DCDC1: variants seen among roughly 807,000 people sequenced by gnomAD.
The protein encoded by DCDC1 is doublecortin domain-containing protein 1.
Under a neutral mutation model 178.3 loss-of-function variants are expected in DCDC1, and 200 were observed. The ratio of observed to expected loss-of-function variants is 1.12; its 90% CI spans 1.00 to 1.26. The LOEUF is 1.26. DCDC1 is among the 50% of genes most tolerant of loss of function. The pLI, the probability that DCDC1 is intolerant of heterozygous loss-of-function variation, is 0.00. For missense variants in DCDC1, 1,983 were observed against 1,749.2 expected (o/e 1.13, Z -2.38); for synonymous variants, 690 against 604.8 (o/e 1.14, Z -2.07).
chr11:31,204,404 T>C (rs1971641587), intron 9 of DCDC1, among the ~76,000 whole-genome samples: 2 of 151,848 alleles, frequency 1.3e-5, no homozygotes, highest in East Asian at 1.9e-4. Flanking sequence ...CAAAATATTA[T>C]TTAAGGACAA....
At chr11:30,872,747 G>A (rs930262563) in intron 38 of DCDC1, among the ~76,000 whole-genome samples, 86 of 151,974 alleles carry the variant, frequency 5.7e-4, no homozygotes, top group African/African-American at 1.9e-3. Context: ...TAAACATGCC[G>A]TTCATTAAGT....
chr11:31,324,343 T>C (rs1949536027), intron 3 of DCDC1, among the ~76,000 whole-genome samples: 1 of 151,832 alleles, frequency 6.6e-6, no homozygotes, highest in East Asian at 1.9e-4. Context: ...TGTGTAAAAG[T>C]ATACAGGAAT....
At chr11:31,054,973 A>G (rs1565226794) in intron 20 of DCDC1, among the ~76,000 whole-genome samples, 1 of 152,194 alleles carries the variant, frequency 6.6e-6, no homozygotes, top group Non-Finnish European at 1.5e-5. Context: ...CAATAAAAAC[A>G]AAGATAAATA....
At chr11:31,072,245 T>C (rs1590948359) in intron 18 of DCDC1, among the ~76,000 whole-genome samples, 1 of 152,140 alleles carries the variant, frequency 6.6e-6, no homozygotes, top group Admixed American at 6.6e-5. Context: ...TTTTCTCCTG[T>C]CATGTATTTC....
At chr11:31,237,266 T>C (rs1591504969) in intron 9 of DCDC1, among the ~76,000 whole-genome samples, 1 of 152,030 alleles carries the variant, frequency 6.6e-6, no homozygotes, top group South Asian at 2.1e-4. Context: ...GTTAACAAAA[T>C]ACATTTCAAT....
chr11:31,335,322 C>A (rs1328591971), intron 2 of DCDC1, 125 bp downstream of exon 2: 1 of 152,270 alleles, frequency 6.6e-6, no homozygotes, highest in African/African-American at 2.4e-5. Context: ...CTTCCCTTGG[C>A]TAGGAAGGGG....
At chr11:31,281,012 C>G (rs1004887202) in intron 7 of DCDC1, 1 of 559,056 alleles carries the variant, frequency 1.8e-6, no homozygotes, top group African/African-American at 1.9e-5. Context: ...TTCGTCACAA[C>G]GAAGGTTCCC....
chr11:31,031,656 T>C (rs769952615), intron 20 of DCDC1, among the ~76,000 whole-genome samples: 2 of 152,090 alleles, frequency 1.3e-5, no homozygotes, highest in Non-Finnish European at 2.9e-5. Context: ...CATAGTTAAA[T>C]CTATATATCA....
At chr11:31,216,078 C>A (rs569270970) in intron 9 of DCDC1, among the ~76,000 whole-genome samples, 14 of 152,108 alleles carry the variant, frequency 9.2e-5, no homozygotes, top group South Asian at 4.2e-4. Context: ...TGAGATGGTC[C>A]CCACTGAGGT....
chr11:31,337,578 T>C (rs897551999), intron 1 of DCDC1, among the ~76,000 whole-genome samples: 6 of 152,090 alleles, frequency 3.9e-5, no homozygotes, highest in Admixed American at 1.3e-4. Context: ...GGCAGGAAGA[T>C]TGCTTGAGCC....
At chr11:30,937,250 G>C (rs1212197804) in intron 21 of DCDC1, among the ~76,000 whole-genome samples, 1 of 152,040 alleles carries the variant, frequency 6.6e-6, no homozygotes, top group Admixed American at 6.6e-5. Context: ...TTTTCCCTTA[G>C]AGAGTTCTGT....
At chr11:30,890,463 G>C (rs1055650548) in intron 36 of DCDC1, among the ~76,000 whole-genome samples, 1 of 152,152 alleles carries the variant, frequency 6.6e-6, no homozygotes, top group Non-Finnish European at 1.5e-5. Flanking sequence ...TTCCTCTGTA[G>C]AGCCTTGTCT....
At chr11:30,898,667 T>G (rs571086827) in intron 34 of DCDC1, among the ~76,000 whole-genome samples, 11 of 152,306 alleles carry the variant, frequency 7.2e-5, no homozygotes, top group African/African-American at 2.6e-4. Flanking sequence ...GTAGGAGTGG[T>G]AGAAGTTAGT....
At chr11:31,262,384 T>C (rs570374391) in intron 8 of DCDC1, among the ~76,000 whole-genome samples, 42 of 152,314 alleles carry the variant, frequency 2.8e-4, no homozygotes, top group South Asian at 6.2e-4. Flanking sequence ...TTTAATATTA[T>C]ATCAAATGTG....
At chr11:30,986,242 T>C (rs1950634071) in intron 20 of DCDC1, among the ~76,000 whole-genome samples, 1 of 151,612 alleles carries the variant, frequency 6.6e-6, no homozygotes. Flanking sequence ...AAAAAGGCAA[T>C]AGTAAAAGAT....
chr11:31,366,541 G>A (rs1366692155), intron 1 of DCDC1, among the ~76,000 whole-genome samples: 1 of 152,212 alleles, frequency 6.6e-6, no homozygotes, highest in East Asian at 1.9e-4. Flanking sequence ...CTTGATGGAA[G>A]AGATAGGCCT....
intron 20 of DCDC1, among the ~76,000 whole-genome samples, chr11:30,956,647 T>C (rs1350572908): frequency 6.6e-6 from 1 of 152,150 alleles, no homozygotes; most frequent in Non-Finnish European, 1.5e-5. Context: ...TTTTCTTTTA[T>C]TTCCATAATT....
intron 7 of DCDC1, among the ~76,000 whole-genome samples, chr11:31,283,508 C>CTTTTT (rs1169991550): frequency 1.3e-5 from 2 of 151,502 alleles, no homozygotes; most frequent in African/African-American, 4.9e-5. Flanking sequence ...TATTTATAAT[C>CTTTTT]ACTGTTTAAA....
intron 22 of DCDC1, among the ~76,000 whole-genome samples, chr11:30,927,380 G>GA (rs1256916268): frequency 1.4e-5 from 2 of 147,856 alleles, no homozygotes; most frequent in Non-Finnish European, 3.0e-5. Flanking sequence ...CTAAAAAAAA[G>GA]AAAAAAAGAA....
Sources: allele counts gnomAD v4.1 joint callset (sites outside exome capture counted in the v4.1 genomes callset), GRCh38; gene constraint gnomAD v4.1.1; transcripts MANE v1.5; gene names NCBI Gene and HGNC (gene_info 2026-07-23, HGNC 2026-07-21).